Variants in SPOCK2 observed in about 807,000 individuals in gnomAD.
The protein encoded by SPOCK2 is SPARC (osteonectin), cwcv and kazal like domains proteoglycan 2.
A neutral mutation model predicts 60.1 loss-of-function variants in SPOCK2; 39 were observed. The observed-to-expected ratio is 0.65, with a 90% CI of 0.50 to 0.85. The LOEUF (loss-of-function observed/expected upper bound fraction) is 0.85. SPOCK2 is among the 40% of genes least tolerant of loss of function. SPOCK2 has a pLI of 0.00. For missense variants in SPOCK2, 523 were observed against 567.4 expected, an observed-to-expected ratio of 0.92 and a Z score of 0.80; for synonymous variants, 217 against 231.5, an observed-to-expected ratio of 0.94 and a Z score of 0.57.
At chr10:72,065,887 C>T (rs1840561001) in intron 8 of SPOCK2, among the ~76,000 whole-genome samples, 1 of 152,232 alleles carries the variant, frequency 6.6e-6, no homozygotes, top group South Asian at 2.1e-4. Flanking sequence ...TTGTTATTTC[C>T]TGACGCAGAT....
At chr10:72,081,511 C>A (rs889322336) in intron 1 of SPOCK2, among the ~76,000 whole-genome samples, 1 of 152,208 alleles carries the variant, frequency 6.6e-6, no homozygotes, top group African/African-American at 2.4e-5. Context: ...GGAGCCCTGT[C>A]TCCACCATCC....
Position 72,063,965 on chromosome 10 carries a change from C to T in SPOCK2, c.991+213G>A, listed in dbSNP as rs115276853. 2.8e-3 allele frequency among the ~76,000 whole-genome samples: 427 copies of T among 152,314 alleles called. 1 individual carries two copies. The highest frequency in any genetic ancestry group is 9.8e-3 in the African/African-American group (407 of 41,568). On this transcript the variant is annotated intron_variant, in intron 9 of 10. Transcript: ENST00000373109. ...GCATGGATGGGCATAAAATTAGTGC[C>T]TAAAACACACTTTTCCCGGGGCAGA...
At position 72,088,432 on chromosome 10, in the gene SPOCK2, C is replaced by T. The variant is rs1351173892; in HGVS notation, c.-104G>A. On this transcript the variant is annotated 5_prime_UTR_variant, in exon 1 of 11. Transcript: ENST00000373109. ...AGCGCACGCGGCTGTCCTCAGCTCT[C>T]CTCCCGCGGTCTGCCTCCGGTGACT... 4 of 1,349,718 alleles carry T rather than the reference C, an allele frequency of 3.0e-6. No individual in the cohort carries two copies. In the Admixed American group the frequency reaches 8.7e-5, roughly 29 times the overall value. 83.6% of individuals were successfully genotyped at this position (1,349,718 alleles called of 1,614,324 possible).
chr10:72,060,478 A>G lies in SPOCK2; in HGVS notation c.*2282T>C, dbSNP rs1394156709. ...AACTCCTTCCTTCCCCAGGCCCCCC[A>G]GCATCCTTAACAACCCCCACCCCCA... On this transcript the variant is annotated 3_prime_UTR_variant, in exon 11 of 11. Transcript: ENST00000373109. 1 of 146,232 alleles carries G rather than the reference A, an allele frequency of 6.8e-6. No individual in the cohort carries two copies. The highest frequency in any genetic ancestry group is 2.5e-5 in the African/African-American group (1 of 39,808). 9.1% of individuals were successfully genotyped at this position (146,232 alleles called of 1,614,324 possible). A position where few individuals can be genotyped will look rare whatever the true frequency, so the allele number is the denominator to read the frequency against.
Position 72,088,518 on chromosome 10 carries a change from G to A in SPOCK2, c.-190C>T, listed in dbSNP as rs1840897857. On this transcript the variant is annotated 5_prime_UTR_variant, in exon 1 of 11. Coordinates refer to ENST00000373109, the MANE Select transcript of SPOCK2 (RefSeq NM_001244950.2). Reference sequence around the variant, plus strand: ...TTAGGAGATGCACTTGTCTGAAAAAGCCCAGCACTGGACGCGGAGAGGGAG... The same window carrying A: ...TTAGGAGATGCACTTGTCTGAAAAAACCCAGCACTGGACGCGGAGAGGGAG... 2.3e-5 allele frequency: 14 copies of A among 617,140 alleles called. No individual in the cohort carries two copies. Among genetic ancestry groups the A allele is most frequent in the Non-Finnish European group, 3.8e-5 (14 of 371,226 alleles). 38.2% of individuals were successfully genotyped at this position (617,140 alleles called of 1,614,324 possible). A position where few individuals can be genotyped will look rare whatever the true frequency, so the allele number is the denominator to read the frequency against.
In SPOCK2 at chr10:72,070,574, A is replaced by C. The variant is rs538981273; in HGVS notation, c.360-148T>G. 1,373 of 619,710 alleles carry C rather than the reference A, an allele frequency of 2.2e-3. 6 individuals carry two copies. The highest frequency in any genetic ancestry group is 2.9e-3 in the Middle Eastern group (7 of 2,454). The allele number at this position is 619,710 out of a possible 1,614,324, so 38.4% of individuals were successfully genotyped here. The stretch of plus-strand genomic sequence containing the variant: ...CTTCCTGCCCCTGCCCACCCTCCCC[A>C]CACTGCTGCCAGACCCTCCTCCAGC... On this transcript the variant is annotated intron_variant, in intron 4 of 10. Transcript: ENST00000373109.
At chr10:72,069,541 C>T (rs1840616970) in intron 5 of SPOCK2, among the ~76,000 whole-genome samples, 1 of 149,984 alleles carries the variant, frequency 6.7e-6, no homozygotes, top group South Asian at 2.1e-4. Flanking sequence ...ACAATCATGG[C>T]TCACTACAGC....
intron 1 of SPOCK2, among the ~76,000 whole-genome samples, chr10:72,085,318 C>G (rs1004525537): frequency 6.6e-6 from 1 of 152,138 alleles, no homozygotes; most frequent in Non-Finnish European, 1.5e-5. Context: ...AGCCGGGCAC[C>G]CAGCATTAGA....
At chr10:72,086,836 A>G (rs747544841) in intron 1 of SPOCK2, 543 of 1,543,446 alleles carry the variant, frequency 3.5e-4, no homozygotes, top group Non-Finnish European at 4.7e-4. Context: ...AAAAGATCCA[A>G]ATCTCTGCCT....
chr10:72,088,343 G>A lies in SPOCK2; in HGVS notation c.-15C>T, dbSNP rs759588309. 1 of 1,502,926 alleles carries A rather than the reference G, an allele frequency of 6.7e-7. No homozygotes were observed. Among genetic ancestry groups the A allele is most frequent in the Non-Finnish European group, 8.8e-7 (1 of 1,141,264 alleles). The allele number at this position is 1,502,926 out of a possible 1,614,324, so 93.1% of individuals were successfully genotyped here. On this transcript the variant is annotated 5_prime_UTR_variant, in exon 1 of 11. Transcript: ENST00000373109. ...GGGGCGCGCATCGTGGTCTGGGTTCGACCTGGGGGGGTCTTGACTTCTGCA... is the reference window on the plus strand; with the variant it reads ...GGGGCGCGCATCGTGGTCTGGGTTCAACCTGGGGGGGTCTTGACTTCTGCA...
intron 3 of SPOCK2, 39 bp downstream of exon 3, chr10:72,072,464 C>T (rs372293143): frequency 5.6e-6 from 9 of 1,613,270 alleles, no homozygotes; most frequent in Admixed American, 1.7e-5. Flanking sequence ...AGTCTTCACA[C>T]GTGTCAGTCA....
At chr10:72,084,689 A>C (rs1840831686) in intron 1 of SPOCK2, among the ~76,000 whole-genome samples, 1 of 152,212 alleles carries the variant, frequency 6.6e-6, no homozygotes. Flanking sequence ...ACTTGGATTC[A>C]AATCTCAGCT....
At chr10:72,078,388 G>A (rs2131820208) in intron 1 of SPOCK2, among the ~76,000 whole-genome samples, 1 of 151,982 alleles carries the variant, frequency 6.6e-6, no homozygotes, top group African/African-American at 2.4e-5. Flanking sequence ...GCGGGCGCCT[G>A]TAGTCCCAGC....
At chr10:72,072,997 T>TG in intron 1 of SPOCK2, 87 bp from the exon 2 acceptor site, 2 of 1,540,168 alleles carry the variant, frequency 1.3e-6, no homozygotes, top group Non-Finnish European at 1.8e-6. Context: ...TGAGGCCCTC[T>TG]GGTGTTCCTG....
At position 72,064,178 on chromosome 10, in the gene SPOCK2, C is replaced by T. The variant is rs779124545; in HGVS notation, c.991G>A (p.Gly331Ser). 6.2e-7 allele frequency: 1 copy of T among 1,612,402 alleles called. No individual in the cohort carries two copies. The highest frequency in any genetic ancestry group is 1.3e-5 in the African/African-American group (1 of 74,964). The part of the protein sequence containing the change: ...QIQEAAKKKP[G>S]IFIPSCDEDG... ...CTGAGAGCCTGGTCTGGCCCCTCACCTGGCTTCTTCTTGGCGGCCTCCTGG... is the reference window on the plus strand; with the variant it reads ...CTGAGAGCCTGGTCTGGCCCCTCACTTGGCTTCTTCTTGGCGGCCTCCTGG... Residue 331 changes from glycine (G) to serine (S), a missense_variant and splice_region_variant, in exon 9 of 11, where the codon GGC (glycine) becomes AGC (serine). Gly to Ser is a moderately conservative substitution (Grantham distance 56). Coordinates refer to ENST00000373109, the MANE Select transcript of SPOCK2 (RefSeq NM_001244950.2).
In SPOCK2 at chr10:72,088,389, C is replaced by T. The variant is rs1840895863; in HGVS notation, c.-61G>A. 2.8e-6 allele frequency: 4 copies of T among 1,440,676 alleles called. No individual in the cohort carries two copies. The South Asian group carries it at 4.4e-5, about 16-fold the overall frequency. 89.2% of individuals were successfully genotyped at this position (1,440,676 alleles called of 1,614,324 possible). Reference sequence around the variant, plus strand: ...CTGCAGTATTTTAATGTCCTTCCTCCCACCCCGCTGCTGGCGAAGCGCACG... The same window carrying T: ...CTGCAGTATTTTAATGTCCTTCCTCTCACCCCGCTGCTGGCGAAGCGCACG... On this transcript the variant is annotated 5_prime_UTR_variant, in exon 1 of 11. Coordinates refer to ENST00000373109, the MANE Select transcript of SPOCK2 (RefSeq NM_001244950.2).
Position 72,067,531 on chromosome 10 carries a change from C to T in SPOCK2, c.709+82G>A, listed in dbSNP as rs1435658138. ...AGAGTCTGGCAGGAAGGAACAAGGGCAGACTGGCCCAGCATACACCTGTGT... is the reference window on the plus strand; with the variant it reads ...AGAGTCTGGCAGGAAGGAACAAGGGTAGACTGGCCCAGCATACACCTGTGT... On this transcript the variant is annotated intron_variant, in intron 7 of 10. Coordinates refer to ENST00000373109, the MANE Select transcript of SPOCK2 (RefSeq NM_001244950.2). The T allele has an allele frequency of 7.0e-6, 11 of 1,580,632 alleles. No individual in the cohort carries two copies. The South Asian group carries it at 1.2e-4, about 18-fold the overall frequency.
At position 72,068,245 on chromosome 10, in the gene SPOCK2, C is replaced by T. The variant is rs966073549; in HGVS notation, c.531G>A (p.Glu177=). 1.8e-5 allele frequency: 29 copies of T among 1,611,910 alleles called. 1 individual carries two copies. Among genetic ancestry groups the T allele is most frequent in the Non-Finnish European group, 2.4e-5 (28 of 1,179,442 alleles). ...GCTCCGTGGGGCAGGGGCAGGGGCC[C>T]TCGCATCGCACCGCCAGCTGCTTGC... is the stretch of plus-strand genomic sequence containing the variant. ...LSSKQLAVRC[E]GPCPCPTEQA... Residue 177 remains glutamate (E), a synonymous_variant, in exon 6 of 11, where the codon GAG becomes GAA. Transcript: ENST00000373109.
At chr10:72,083,733 G>T (rs551035719) in intron 1 of SPOCK2, among the ~76,000 whole-genome samples, 1 of 152,182 alleles carries the variant, frequency 6.6e-6, no homozygotes, top group East Asian at 1.9e-4. Context: ...GGGGTGGAGG[G>T]GAGGTCAGGG....
Sources: gnomAD v4.1 joint callset for allele counts (sites outside exome capture counted in the v4.1 genomes callset) on GRCh38, gnomAD v4.1.1 for gene constraint, MANE v1.5 for transcripts, NCBI Gene and HGNC (gene_info 2026-07-23, HGNC 2026-07-21) for gene names.